ZC3H7B: variants seen among roughly 807,000 people sequenced by gnomAD.
The protein encoded by ZC3H7B is zinc finger CCCH-type containing 7B.
Under a neutral mutation model 116.0 loss-of-function variants are expected in ZC3H7B, and 35 were observed. The ratio of observed to expected loss-of-function variants is 0.30; its 90% CI spans 0.23 to 0.40. The LOEUF (loss-of-function observed/expected upper bound fraction) is 0.40, where lower values mean the gene tolerates loss of function less well. Ranked by LOEUF, ZC3H7B falls within the 10% of genes least tolerant of loss-of-function variation. The probability of loss-of-function intolerance (pLI) is 1.00; values close to 1 mark genes in which losing one functional copy is unlikely to be tolerated. For missense variants in ZC3H7B, 1,011 were observed against 1,321.5 expected, an observed-to-expected ratio of 0.77 and a Z score of 3.64; for synonymous variants, 502 against 545.6, an observed-to-expected ratio of 0.92 and a Z score of 1.11.
Position 41,327,968 on chromosome 22 carries a change from T to TA in ZC3H7B, c.444+613dup, listed in dbSNP as rs924028789. Among the ~76,000 whole-genome samples, 6 of 150,920 alleles carry TA rather than the reference T, an allele frequency of 4.0e-5. No homozygotes were observed. The highest frequency in any genetic ancestry group is 2.1e-4 in the South Asian group (1 of 4,760). On this transcript the variant is annotated intron_variant, in intron 5 of 22. Transcript: ENST00000352645. This position sits in a 1 kb window ranked among gnomAD's most constrained non-coding sequence, Gnocchi z 4.5. The stretch of plus-strand genomic sequence containing the variant: ...GCAAGACCCTGTTTCAACAAAAAAT[T>TA]AAAAAAAAATTAGCTGGGCATGATG...
chr22:41,325,980 G>A (rs1437350129), intron 4 of ZC3H7B, 62 bp downstream of exon 4: 35 of 1,532,550 alleles, frequency 2.3e-5, no homozygotes, highest in African/African-American at 5.5e-5. Context: ...ATGCCCAGTC[G>A]AGCCAGGCCC....
chr22:41,321,980 CA>C (rs1461792512), intron 2 of ZC3H7B, among the ~76,000 whole-genome samples: 1 of 148,402 alleles, frequency 6.7e-6, no homozygotes, highest in Non-Finnish European at 1.5e-5. Context: ...GCTGGGACTA[CA>C]GGCGCCCGCC....
chr22:41,308,937 T>C (rs2036081954), intron 1 of ZC3H7B, among the ~76,000 whole-genome samples: 1 of 151,586 alleles, frequency 6.6e-6, no homozygotes, highest in Non-Finnish European at 1.5e-5. Flanking sequence ...CCTCCTATCT[T>C]CCATGGCTGG....
At position 41,357,748 on chromosome 22, in the gene ZC3H7B, A is replaced by G. The variant is rs927536582; in HGVS notation, c.*319A>G. On this transcript the variant is annotated 3_prime_UTR_variant, in exon 23 of 23. Coordinates refer to ENST00000352645, the MANE Select transcript of ZC3H7B (RefSeq NM_017590.6). This position sits in a 1 kb window ranked among gnomAD's most constrained non-coding sequence, Gnocchi z 5.4. Reference sequence around the variant, plus strand: ...CCAGCTTTAACTTCTGTCTGCTCCTAATGGGGGCCCAAAGCTCAGGGCTGG... The same window carrying G: ...CCAGCTTTAACTTCTGTCTGCTCCTGATGGGGGCCCAAAGCTCAGGGCTGG... The G allele has an allele frequency of 2.8e-5, 11 of 388,658 alleles. No individual in the cohort carries two copies. The highest frequency in any genetic ancestry group is 5.3e-5 in the Non-Finnish European group (11 of 209,034). 24.1% of individuals were successfully genotyped at this position (388,658 alleles called of 1,614,324 possible). A position where few individuals can be genotyped will look rare whatever the true frequency, so the allele number is the denominator to read the frequency against.
Position 41,340,142 on chromosome 22 carries a change from G to A in ZC3H7B, c.1138+5G>A. 1 of 1,591,822 alleles carries A rather than the reference G, an allele frequency of 6.3e-7. No homozygotes were observed. The highest frequency in any genetic ancestry group is 8.6e-7 in the Non-Finnish European group (1 of 1,167,786). ...ACAAACCTGACTCCTTCATGGGTAA[G>A]GCCATGGGTGGGCCCGTTCAACCTC... On this transcript the variant is annotated splice_donor_5th_base_variant and intron_variant, in intron 10 of 22. Transcript: ENST00000352645.
intron 17 of ZC3H7B, among the ~76,000 whole-genome samples, chr22:41,353,407 C>T (rs1327659584): frequency 1.3e-5 from 2 of 152,220 alleles, no homozygotes; most frequent in Non-Finnish European, 2.9e-5. Context: ...CCCTGGCCCT[C>T]GTATCTCCTG....
intron 1 of ZC3H7B, among the ~76,000 whole-genome samples, chr22:41,314,400 A>C (rs2036155073): frequency 6.7e-6 from 1 of 150,306 alleles, no homozygotes; most frequent in Admixed American, 6.6e-5. Flanking sequence ...CAAGTGATCC[A>C]CCTGCCTCAG....
intron 14 of ZC3H7B, 77 bp from the exon 15 acceptor site, chr22:41,347,990 G>T: frequency 7.8e-7 from 1 of 1,283,354 alleles, no homozygotes; most frequent in Middle Eastern, 1.9e-4. Context: ...TCCTTCCCCA[G>T]CTAGCTGTGT....
At chr22:41,340,681 G>A (rs1424371173) in intron 10 of ZC3H7B, among the ~76,000 whole-genome samples, 1 of 152,188 alleles carries the variant, frequency 6.6e-6, no homozygotes, top group Non-Finnish European at 1.5e-5. Flanking sequence ...CCTGGAGGAA[G>A]TGATGACTAG....
chr22:41,326,510 C>T (rs2036321372), intron 4 of ZC3H7B, among the ~76,000 whole-genome samples: 1 of 151,932 alleles, frequency 6.6e-6, no homozygotes, highest in Non-Finnish European at 1.5e-5. Context: ...CTCACTGTTC[C>T]TCCCATAGCC....
At chr22:41,329,056 A>AT (rs2036350595) in intron 5 of ZC3H7B, among the ~76,000 whole-genome samples, 1 of 143,582 alleles carries the variant, frequency 7.0e-6, no homozygotes, top group African/African-American at 2.7e-5. Context: ...AAAAAAAAAA[A>AT]TTAGCTGGGC....
At chr22:41,344,870 G>A (rs1175141727) in intron 13 of ZC3H7B, among the ~76,000 whole-genome samples, 1 of 152,212 alleles carries the variant, frequency 6.6e-6, no homozygotes, top group African/African-American at 2.4e-5. Flanking sequence ...GAGTGGTGCT[G>A]TTATAGCTCA....
chr22:41,303,635 G>T lies in ZC3H7B; in HGVS notation c.-7+1863G>T, dbSNP rs1162698826. On this transcript the variant is annotated intron_variant, in intron 1 of 22. Coordinates refer to ENST00000352645, the MANE Select transcript of ZC3H7B (RefSeq NM_017590.6). ...GATAAGAAACCTTAGGCCGAATTGT[G>T]TGTCTTGCTGGAAAGTCAGACAGCA... Among the ~76,000 whole-genome samples the T allele has an allele frequency of 3.3e-5, 5 of 152,330 alleles. No individual in the cohort carries two copies. The South Asian group carries it at 6.2e-4, about 19-fold the overall frequency.
intron 2 of ZC3H7B, among the ~76,000 whole-genome samples, chr22:41,323,799 G>A (rs1234469206): frequency 2.6e-5 from 4 of 152,198 alleles, no homozygotes; most frequent in Admixed American, 1.3e-4. Flanking sequence ...GGCCGGGCGC[G>A]GTGGCTCATG....
intron 1 of ZC3H7B, among the ~76,000 whole-genome samples, chr22:41,306,558 C>T (rs746534496): frequency 2.6e-5 from 4 of 151,862 alleles, no homozygotes; most frequent in African/African-American, 9.7e-5. Flanking sequence ...TTAGTAGAGA[C>T]GGGGTTTTGC....
At chr22:41,353,713 G>C (rs906732774) in intron 17 of ZC3H7B, among the ~76,000 whole-genome samples, 24 of 152,332 alleles carry the variant, frequency 1.6e-4, no homozygotes, top group Admixed American at 3.3e-4. Context: ...GCTGCCGGGG[G>C]GTCCCTGGGC....
intron 7 of ZC3H7B, chr22:41,334,188 G>T (rs192645101): frequency 6.6e-6 from 1 of 152,234 alleles, no homozygotes; most frequent in Non-Finnish European, 1.5e-5. Flanking sequence ...TCATTTATTC[G>T]GAAGGTATTT....
intron 2 of ZC3H7B, among the ~76,000 whole-genome samples, chr22:41,322,046 A>G (rs1284973870): frequency 6.8e-6 from 1 of 147,824 alleles, no homozygotes; most frequent in Non-Finnish European, 1.5e-5. Context: ...TCACCGTTTT[A>G]GCTGGGATGG....
intron 11 of ZC3H7B, among the ~76,000 whole-genome samples, chr22:41,341,774 T>C (rs1056092139): frequency 1.4e-5 from 2 of 139,326 alleles, no homozygotes; most frequent in African/African-American, 5.4e-5. Flanking sequence ...AAAGAACATC[T>C]GATGAGGGGC....
Sources: gnomAD v4.1 joint callset for allele counts (sites outside exome capture counted in the v4.1 genomes callset) on GRCh38, gnomAD v4.1.1 for gene constraint, Gnocchi (gnomAD v3.1) non-coding constraint, MANE v1.5 for transcripts, NCBI Gene and HGNC (gene_info 2026-07-23, HGNC 2026-07-21) for gene names.